QKI: variants seen among roughly 807,000 people sequenced by gnomAD.
QKI encodes QKI, KH domain containing RNA binding.
Under a neutral mutation model 39.0 loss-of-function variants are expected in QKI, and 10 were observed. The observed-to-expected ratio is 0.26, with a 90% CI of 0.16 to 0.43. The LOEUF (loss-of-function observed/expected upper bound fraction) is 0.43, where lower values mean the gene tolerates loss of function less well. QKI is among the 20% of genes least tolerant of loss of function. The pLI, the probability that QKI is intolerant of heterozygous loss-of-function variation, is 1.00. For missense variants in QKI, 218 were observed against 428.0 expected, an observed-to-expected ratio of 0.51 and a Z score of 4.33; for synonymous variants, 204 against 155.4, an observed-to-expected ratio of 1.31 and a Z score of -2.33.
At chr6:163,458,907 T>C (rs1377157091) in intron 2 of QKI, among the ~76,000 whole-genome samples, 2 of 152,178 alleles carry the variant, frequency 1.3e-5, no homozygotes, top group Non-Finnish European at 2.9e-5. Context: ...AGACAATAGG[T>C]TTCTTAGTCA....
In QKI at chr6:163,551,979, G is replaced by A. The variant is rs148825969; in HGVS notation, c.547-10003G>A. 2.4e-3 allele frequency among the ~76,000 whole-genome samples: 368 copies of A among 152,214 alleles called. 2 individuals are homozygous for A. Among genetic ancestry groups the A allele is most frequent in the African/African-American group, 8.3e-3 (346 of 41,530 alleles). Reference sequence around the variant, plus strand: ...CCCCCACGTGCAGTTGAAAATCCACGTATAATTTTGACTCCCCAAAAATGC... The same window carrying A: ...CCCCCACGTGCAGTTGAAAATCCACATATAATTTTGACTCCCCAAAAATGC... On this transcript the variant is annotated intron_variant, in intron 4 of 7. Coordinates refer to ENST00000361752, the MANE Select transcript of QKI (RefSeq NM_006775.3).
At chr6:163,422,930 A>C (rs537590043) in intron 1 of QKI, among the ~76,000 whole-genome samples, 26 of 152,346 alleles carry the variant, frequency 1.7e-4, no homozygotes, top group Non-Finnish European at 3.2e-4. Flanking sequence ...ATAGGAAAAA[A>C]CAAACAAAAA....
chr6:163,564,126 T>C (rs1348684076), intron 6 of QKI: 5 of 1,035,502 alleles, frequency 4.8e-6, no homozygotes, highest in African/African-American at 1.7e-5. Flanking sequence ...TTTTTAAACT[T>C]CTAAGTGAAA....
intron 3 of QKI, among the ~76,000 whole-genome samples, chr6:163,525,603 C>T (rs1025747286): frequency 6.6e-6 from 1 of 152,072 alleles, no homozygotes; most frequent in African/African-American, 2.4e-5. Flanking sequence ...GTGATCCTCC[C>T]CCCTCCCCGC....
chr6:163,492,288 G>A (rs1484804791), intron 3 of QKI, among the ~76,000 whole-genome samples: 1 of 152,112 alleles, frequency 6.6e-6, no homozygotes, highest in Non-Finnish European at 1.5e-5. Context: ...TATTTCTTCA[G>A]TTATGAGAGA....
intron 3 of QKI, among the ~76,000 whole-genome samples, chr6:163,532,343 G>A (rs1322732415): frequency 1.3e-5 from 2 of 152,118 alleles, no homozygotes; most frequent in Non-Finnish European, 2.9e-5. Flanking sequence ...TTCTAGATTG[G>A]TTTGAGTGAA....
chr6:163,444,012 A>G (rs1035066631), intron 1 of QKI, among the ~76,000 whole-genome samples: 2 of 152,204 alleles, frequency 1.3e-5, no homozygotes, highest in Admixed American at 6.5e-5. Flanking sequence ...CTTCAAGAGC[A>G]AGTGTAGAGG....
chr6:163,458,846 T>C (rs939454940), intron 2 of QKI, among the ~76,000 whole-genome samples: 1 of 152,186 alleles, frequency 6.6e-6, no homozygotes, highest in Non-Finnish European at 1.5e-5. Flanking sequence ...ACCAAGCACA[T>C]CCTAGGTAAG....
In QKI at chr6:163,426,176, A is replaced by G. The variant is rs1195520218; in HGVS notation, c.142+10841A>G. 2.6e-5 allele frequency among the ~76,000 whole-genome samples: 4 copies of G among 151,988 alleles called. No individual in the cohort carries two copies. The East Asian group carries it at 7.7e-4, about 29-fold the overall frequency. ...TATTCTTTATAGCTGGATTGTTCAA[A>G]CCAGAATCTTACTCAATACTGCTCA... is the stretch of plus-strand genomic sequence containing the variant. On this transcript the variant is annotated intron_variant, in intron 1 of 7. Transcript: ENST00000361752.
At chr6:163,507,488 C>A (rs1779169789) in intron 3 of QKI, among the ~76,000 whole-genome samples, 1 of 152,118 alleles carries the variant, frequency 6.6e-6, no homozygotes, top group Non-Finnish European at 1.5e-5. Flanking sequence ...GGCTTTTAGC[C>A]TGAGGCAAAG....
intron 7 of QKI, chr6:163,569,985 T>G (rs759927987): frequency 6.1e-6 from 6 of 986,360 alleles, no homozygotes; most frequent in Non-Finnish European, 7.2e-6. Flanking sequence ...TGGAAAGTGT[T>G]GGCTAGTGCA....
chr6:163,523,780 C>T (rs1297112582), intron 3 of QKI, among the ~76,000 whole-genome samples: 1 of 152,188 alleles, frequency 6.6e-6, no homozygotes, highest in Non-Finnish European at 1.5e-5. Context: ...TAGAAAGCTA[C>T]TGGTTGTGTA....
chr6:163,441,804 A>G (rs1449225794), intron 1 of QKI, among the ~76,000 whole-genome samples: 1 of 152,150 alleles, frequency 6.6e-6, no homozygotes, highest in East Asian at 1.9e-4. Flanking sequence ...CAGGGCTAGC[A>G]ATTCCTTGTG....
At chr6:163,524,909 G>A (rs139353239) in intron 3 of QKI, among the ~76,000 whole-genome samples, 1,896 of 152,232 alleles carry the variant, frequency 0.012, 14 homozygotes, top group Middle Eastern at 0.024. Flanking sequence ...AAAACTCATT[G>A]TAGCTCTGAG....
intron 1 of QKI, among the ~76,000 whole-genome samples, chr6:163,441,571 A>G (rs1789765016): frequency 6.6e-6 from 1 of 152,228 alleles, no homozygotes; most frequent in Non-Finnish European, 1.5e-5. Flanking sequence ...AAGTACAGTA[A>G]TGTATTAGGA....
chr6:163,520,371 AAAAT>A (rs1780074354), intron 3 of QKI, among the ~76,000 whole-genome samples: 1 of 152,188 alleles, frequency 6.6e-6, no homozygotes, highest in African/African-American at 2.4e-5. Flanking sequence ...ATTTATTAAA[AAAAT>A]CATGAGTGTA....
rs753006254 is a variant in QKI, at chr6:163,425,524, T to C, written c.142+10189T>C. On this transcript the variant is annotated intron_variant, in intron 1 of 7. Coordinates refer to ENST00000361752, the MANE Select transcript of QKI (RefSeq NM_006775.3). ...AATATATATGGGTTTAAAGTAGACA[T>C]TGGATGAAGTGTGAAGAGTCAAACT... is the stretch of plus-strand genomic sequence containing the variant. 3.9e-5 allele frequency among the ~76,000 whole-genome samples: 6 copies of C among 152,204 alleles called. No homozygotes were observed. The South Asian group carries it at 6.2e-4, about 16-fold the overall frequency.
chr6:163,522,086 C>G (rs1269305979), intron 3 of QKI, among the ~76,000 whole-genome samples: 7 of 152,302 alleles, frequency 4.6e-5, no homozygotes, highest in Middle Eastern at 3.4e-3. Context: ...CTGTCTTCAA[C>G]ATACTTTCTT....
chr6:163,424,324 G>A (rs777676310), intron 1 of QKI, among the ~76,000 whole-genome samples: 3 of 152,172 alleles, frequency 2.0e-5, no homozygotes, highest in Non-Finnish European at 4.4e-5. Context: ...TTTTAACTCT[G>A]TATGTGTGTG....
Sources: gnomAD v4.1 joint callset for allele counts (sites outside exome capture counted in the v4.1 genomes callset) on GRCh38, gnomAD v4.1.1 for gene constraint, MANE v1.5 for transcripts, NCBI Gene and HGNC (gene_info 2026-07-23, HGNC 2026-07-21) for gene names.